MBTPS1: variants seen among roughly 807,000 people sequenced by gnomAD.
The protein encoded by MBTPS1 is membrane-bound transcription factor site-1 protease.
In MBTPS1, 94 loss-of-function variants were observed where a neutral mutation model predicts 127.8. The ratio of observed to expected loss-of-function variants is 0.74; its 90% confidence interval spans 0.62 to 0.87. The LOEUF is 0.87. MBTPS1 is among the 40% of genes least tolerant of loss of function. The pLI, the probability that MBTPS1 is intolerant of heterozygous loss-of-function variation, is 0.00. For missense variants in MBTPS1, 1,636 were observed against 1,353.2 expected, an observed-to-expected ratio of 1.21 and a Z score of -3.28; for synonymous variants, 632 against 509.4, an observed-to-expected ratio of 1.24 and a Z score of -3.24.
intron 1 of MBTPS1, among the ~76,000 whole-genome samples, chr16:84,104,867 G>A (rs1234975064): frequency 6.6e-6 from 1 of 152,102 alleles, no homozygotes; most frequent in Non-Finnish European, 1.5e-5. Context: ...CTTGAGGCCA[G>A]GAGTTAGAGA....
chr16:84,106,224 G>A (rs1292338464), intron 1 of MBTPS1, among the ~76,000 whole-genome samples: 1 of 152,178 alleles, frequency 6.6e-6, no homozygotes, highest in African/African-American at 2.4e-5. Context: ...GAACCCAGGA[G>A]GCAGAGGTTG....
At chr16:84,067,635 C>CGCATTTT in intron 16 of MBTPS1, 32 bp downstream of exon 16, 1 of 1,547,972 alleles carries the variant, frequency 6.5e-7, no homozygotes, top group Non-Finnish European at 8.9e-7. Context: ...CCCCAAAAGT[C>CGCATTTT]TTATCCAAAT....
chr16:84,112,114 A>C (rs545946345), intron 1 of MBTPS1, among the ~76,000 whole-genome samples: 1 of 152,276 alleles, frequency 6.6e-6, no homozygotes, highest in African/African-American at 2.4e-5. Flanking sequence ...AGGCAGGAGA[A>C]TCGCTTGAAC....
chr16:84,108,692 G>C (rs908201002), intron 1 of MBTPS1, among the ~76,000 whole-genome samples: 1 of 152,240 alleles, frequency 6.6e-6, no homozygotes, highest in Non-Finnish European at 1.5e-5. Flanking sequence ...AGGGTCTTAA[G>C]AGTCTGAGCG....
intron 20 of MBTPS1, chr16:84,059,744 A>G: frequency 5.4e-6 from 1 of 186,148 alleles, no homozygotes; most frequent in East Asian, 1.3e-4. Flanking sequence ...CACCTGCGAA[A>G]TCTAAGCTAC....
chr16:84,110,299 G>C (rs961563606), intron 1 of MBTPS1, among the ~76,000 whole-genome samples: 1 of 152,174 alleles, frequency 6.6e-6, no homozygotes, highest in African/African-American at 2.4e-5. Flanking sequence ...TTCCTGAAAG[G>C]ATTCATGGTA....
At chr16:84,079,796 G>T (rs2085913133) in intron 11 of MBTPS1, among the ~76,000 whole-genome samples, 1 of 152,224 alleles carries the variant, frequency 6.6e-6, no homozygotes, top group Non-Finnish European at 1.5e-5. Flanking sequence ...GAGGTGGCAT[G>T]AACTCATGTT....
At position 84,101,860 on chromosome 16, in the gene MBTPS1, T is replaced by A; in HGVS notation, c.-77A>T. 1 of 1,407,772 alleles carries A rather than the reference T, an allele frequency of 7.1e-7. No individual in the cohort carries two copies. The highest frequency in any genetic ancestry group is 9.8e-7 in the Non-Finnish European group (1 of 1,015,384). 87.2% of individuals were successfully genotyped at this position (1,407,772 alleles called of 1,614,324 possible). On this transcript the variant is annotated 5_prime_UTR_variant, in exon 2 of 23. Transcript: ENST00000343411. ...TTCTTCTTGATTAAAAGTGAATTTT[T>A]GTTTCAGCTAAAAGCTGCAACATTA...
At chr16:84,079,824 T>C (rs187563643) in intron 11 of MBTPS1, among the ~76,000 whole-genome samples, 7 of 152,332 alleles carry the variant, frequency 4.6e-5, no homozygotes, top group South Asian at 2.1e-4. Flanking sequence ...CATACACAGA[T>C]AGGCAGATAC....
intron 21 of MBTPS1, chr16:84,057,639 G>A (rs2085541236): frequency 1.3e-5 from 2 of 152,256 alleles, no homozygotes; most frequent in Non-Finnish European, 2.9e-5. Context: ...ATCTGGAGCT[G>A]TCTCCTGGTC....
chr16:84,054,920 C>G (rs1034330643), intron 22 of MBTPS1, among the ~76,000 whole-genome samples: 1 of 152,182 alleles, frequency 6.6e-6, no homozygotes, highest in African/African-American at 2.4e-5. Context: ...GATGATCAGG[C>G]CCAGCTATGC....
At chr16:84,092,167 C>T (rs2086119137) in intron 6 of MBTPS1, among the ~76,000 whole-genome samples, 1 of 152,176 alleles carries the variant, frequency 6.6e-6, no homozygotes, top group Non-Finnish European at 1.5e-5. Context: ...CCGCCCCTCT[C>T]CTACAAAAGG....
intron 1 of MBTPS1, among the ~76,000 whole-genome samples, chr16:84,112,630 C>T (rs2086413184): frequency 1.3e-5 from 2 of 149,460 alleles, no homozygotes; most frequent in South Asian, 2.1e-4. Context: ...CCACTGCACT[C>T]CAGCCCGGGC....
rs1303070184 is a variant in MBTPS1 at position 84,067,658 on chromosome 16, C to G, written c.2228+9G>C. 1 of 1,605,052 alleles carries G rather than the reference C, an allele frequency of 6.2e-7. No homozygotes were observed. The highest frequency in any genetic ancestry group is 2.2e-5 in the East Asian group (1 of 44,652). ...GTCTTATCCAAATACCAATGCGTAT[C>G]AACAGTACCTTGTGTTTTCATCATA... On this transcript the variant is annotated intron_variant, in intron 16 of 22. Transcript: ENST00000343411.
At chr16:84,062,629 A>G (rs2085629952) in intron 19 of MBTPS1, among the ~76,000 whole-genome samples, 1 of 152,098 alleles carries the variant, frequency 6.6e-6, no homozygotes, top group Admixed American at 6.5e-5. Context: ...TCCTGGTGTC[A>G]TTATCATCTC....
At chr16:84,092,400 A>G (rs1404183508) in intron 6 of MBTPS1, among the ~76,000 whole-genome samples, 1 of 152,198 alleles carries the variant, frequency 6.6e-6, no homozygotes, top group Non-Finnish European at 1.5e-5. Flanking sequence ...TATAAAATTA[A>G]GTTTATGGTA....
Position 84,101,636 on chromosome 16 carries a change from T to C in MBTPS1, c.148A>G (p.Thr50Ala), listed in dbSNP as rs765848530. The change falls in exon 2 of 23, where the codon ACA becomes GCA. Residue 50 changes from threonine to alanine, a missense_variant. Coordinates refer to ENST00000343411, the MANE Select transcript of MBTPS1 (RefSeq NM_003791.4). ...HLTLKVEFSS[T>A]VVEYEYIVAF... ...ACATCATTACCATATTCCACAACTG[T>C]TGATGAGAATTCCACCTTCAAAGTC... The C allele has an allele frequency of 2.5e-6, 4 of 1,613,762 alleles. No individual in the cohort carries two copies. Among genetic ancestry groups the C allele is most frequent in the Middle Eastern group, 1.7e-4 (1 of 6,060 alleles).
intron 22 of MBTPS1, 101 bp from the exon 23 acceptor site, chr16:84,054,746 A>G (rs1325108740): frequency 5.7e-6 from 5 of 871,058 alleles, no homozygotes; most frequent in Non-Finnish European, 6.8e-6. Flanking sequence ...AATGCGAGCT[A>G]ATTTCACTAG....
chr16:84,112,204 A>G (rs752268843), intron 1 of MBTPS1, among the ~76,000 whole-genome samples: 40 of 152,112 alleles, frequency 2.6e-4, no homozygotes, highest in Non-Finnish European at 7.4e-5. Flanking sequence ...TCTCAAATGG[A>G]AACAATGACA....
Sources: gnomAD v4.1 joint callset for allele counts (sites outside exome capture counted in the v4.1 genomes callset) on GRCh38, gnomAD v4.1.1 for gene constraint, MANE v1.5 for transcripts, NCBI Gene and HGNC (gene_info 2026-07-23, HGNC 2026-07-21) for gene names.